RBFOX1: variants seen among roughly 807,000 people sequenced by gnomAD.
RBFOX1 encodes RNA binding protein fox-1 homolog 1.
A neutral mutation model predicts 57.7 loss-of-function variants in RBFOX1; 8 were observed. The observed-to-expected ratio is 0.14, with a 90% CI of 0.08 to 0.25. The LOEUF (loss-of-function observed/expected upper bound fraction) is 0.25, where lower values mean the gene tolerates loss of function less well. Among genes scored for constraint, RBFOX1 ranks in the 10% least tolerant of loss-of-function variants. RBFOX1 has a pLI of 1.00. For missense variants in RBFOX1, 611 were observed against 548.5 expected (o/e 1.11, Z -1.14); for synonymous variants, 326 against 222.4 (o/e 1.47, Z -4.15).
intron 2 of RBFOX1, among the ~76,000 whole-genome samples, chr16:6,496,296 T>A (rs2095766532): frequency 6.6e-6 from 1 of 152,218 alleles, no homozygotes; most frequent in Non-Finnish European, 1.5e-5. Context: ...ACCTAATATT[T>A]GGAACTTCCT....
chr16:5,687,527 A>G (rs755565852), intron 3 of RBFOX1, among the ~76,000 whole-genome samples: 33 of 152,220 alleles, frequency 2.2e-4, no homozygotes, highest in African/African-American at 3.4e-4. Flanking sequence ...TGATATCAAT[A>G]CATGATTAGG....
intron 2 of RBFOX1, among the ~76,000 whole-genome samples, chr16:6,439,794 A>G (rs895828251): frequency 6.6e-6 from 1 of 152,046 alleles, no homozygotes; most frequent in Non-Finnish European, 1.5e-5. Context: ...GGCCTTCCAC[A>G]TTACAAACAC....
intron 4 of RBFOX1, among the ~76,000 whole-genome samples, chr16:7,159,580 T>C (rs2077856667): frequency 6.6e-6 from 1 of 152,188 alleles, no homozygotes; most frequent in Non-Finnish European, 1.5e-5. Flanking sequence ...CAGCCACTTT[T>C]TCAGTGATCT....
chr16:7,472,006 G>A lies in RBFOX1; in HGVS notation c.28-46141G>A, dbSNP rs1013175710. Among the ~76,000 whole-genome samples, 19 of 152,312 alleles carry A rather than the reference G, an allele frequency of 1.2e-4. No homozygotes were observed. In the East Asian group the frequency reaches 3.7e-3, roughly 29 times the overall value. ...TTCACAGAGTACAAATGAGGTAGTAGTGGAACAATTGGTGAACACACTTTA... is the reference window on the plus strand; with the variant it reads ...TTCACAGAGTACAAATGAGGTAGTAATGGAACAATTGGTGAACACACTTTA... On this transcript the variant is annotated intron_variant, in intron 4 of 15. Transcript: ENST00000550418.
At chr16:6,996,976 T>C (rs147605166) in intron 3 of RBFOX1, among the ~76,000 whole-genome samples, 2,870 of 152,240 alleles carry the variant, frequency 0.019, 40 homozygotes, top group Admixed American at 0.037. Flanking sequence ...TAGGCAGCAT[T>C]GAAGATTTCC....
chr16:5,541,429 G>A (rs928215240), intron 2 of RBFOX1, among the ~76,000 whole-genome samples: 1 of 152,028 alleles, frequency 6.6e-6, no homozygotes, highest in South Asian at 2.1e-4. Context: ...AGGGAGACAT[G>A]GGACATTAAT....
chr16:7,571,213 G>GA (rs144811713), intron 5 of RBFOX1, among the ~76,000 whole-genome samples: 27 of 151,250 alleles, frequency 1.8e-4, no homozygotes, highest in South Asian at 1.0e-3. Context: ...ACTTAAGGAA[G>GA]AAAAAAAAAT....
intron 2 of RBFOX1, among the ~76,000 whole-genome samples, chr16:6,606,708 T>G (rs1429765301): frequency 6.6e-6 from 1 of 152,202 alleles, no homozygotes; most frequent in Non-Finnish European, 1.5e-5. Context: ...TATGGCCGTA[T>G]AGCATTCCAT....
chr16:7,314,784 C>A (rs117509835), intron 4 of RBFOX1, among the ~76,000 whole-genome samples: 1 of 152,110 alleles, frequency 6.6e-6, no homozygotes, highest in African/African-American at 2.4e-5. Flanking sequence ...CATTTGTTCA[C>A]GATAAGTCAA....
intron 2 of RBFOX1, among the ~76,000 whole-genome samples, chr16:6,623,321 A>G (rs1270467581): frequency 6.6e-6 from 1 of 152,210 alleles, no homozygotes; most frequent in African/African-American, 2.4e-5. Context: ...AGTGGGGAGC[A>G]GAGATGCTGA....
At chr16:6,884,553 A>G (rs2063586865) in intron 3 of RBFOX1, among the ~76,000 whole-genome samples, 1 of 152,186 alleles carries the variant, frequency 6.6e-6, no homozygotes, top group South Asian at 2.1e-4. Flanking sequence ...ACATTATCAT[A>G]AGACCTCAAA....
At chr16:6,187,160 A>G (rs983544853) in intron 1 of RBFOX1, among the ~76,000 whole-genome samples, 3 of 152,092 alleles carry the variant, frequency 2.0e-5, no homozygotes, top group African/African-American at 7.2e-5. Context: ...GCTTGGCCCT[A>G]TCATACAAAG....
chr16:6,115,842 G>A (rs1567492123), intron 1 of RBFOX1, among the ~76,000 whole-genome samples: 1 of 152,164 alleles, frequency 6.6e-6, no homozygotes, highest in African/African-American at 2.4e-5. Context: ...CTCCTGAGCT[G>A]TGGTATTCTC....
chr16:6,863,183 C>A (rs190588324), intron 3 of RBFOX1, among the ~76,000 whole-genome samples: 1 of 152,068 alleles, frequency 6.6e-6, no homozygotes, highest in Non-Finnish European at 1.5e-5. Context: ...GGAGGGCTTG[C>A]CTGAATTACT....
chr16:7,059,673 C>G (rs954087680), intron 4 of RBFOX1, among the ~76,000 whole-genome samples: 3 of 152,294 alleles, frequency 2.0e-5, no homozygotes, highest in African/African-American at 7.2e-5. Flanking sequence ...TACATACTGT[C>G]CCATCTCTTT....
At chr16:6,229,859 T>C (rs1347251745) in intron 1 of RBFOX1, among the ~76,000 whole-genome samples, 1 of 152,166 alleles carries the variant, frequency 6.6e-6, no homozygotes, top group Non-Finnish European at 1.5e-5. Flanking sequence ...ACTTTTCTTT[T>C]GATAGAATGT....
intron 2 of RBFOX1, among the ~76,000 whole-genome samples, chr16:6,651,378 ACTT>A (rs1352083499): frequency 1.1e-5 from 1 of 94,382 alleles, no homozygotes; most frequent in Non-Finnish European, 2.4e-5. Context: ...GCCTCTGACT[ACTT>A]CTCTCCCCTT....
intron 4 of RBFOX1, among the ~76,000 whole-genome samples, chr16:5,933,870 T>C (rs2059118205): frequency 6.6e-6 from 1 of 152,072 alleles, no homozygotes; most frequent in African/African-American, 2.4e-5. Flanking sequence ...TGGGGGTTTG[T>C]TGTACAGATT....
chr16:7,095,112 CTTTTTTCTTTT>C (rs1234511971), intron 4 of RBFOX1, among the ~76,000 whole-genome samples: 5 of 151,914 alleles, frequency 3.3e-5, no homozygotes, highest in Admixed American at 3.3e-4. Context: ...TTCTTTCTTT[CTTTTTTCTTTT>C]TCTTTTGAGA....
Sources: gnomAD v4.1 joint callset for allele counts (sites outside exome capture counted in the v4.1 genomes callset) on GRCh38, gnomAD v4.1.1 for gene constraint, MANE v1.5 for transcripts, NCBI Gene and HGNC (gene_info 2026-07-23, HGNC 2026-07-21) for gene names.